Variants in LETM1 observed in about 807,000 individuals in gnomAD.
LETM1 encodes the protein mitochondrial proton/calcium exchanger protein.
A neutral mutation model predicts 74.5 loss-of-function variants in LETM1; 50 were observed. The observed-to-expected ratio is 0.67, with a 90% CI of 0.53 to 0.85. The LOEUF is 0.85. LETM1 is among the 40% of genes least tolerant of loss of function. The pLI is 0.00. For missense variants in LETM1, 824 were observed against 967.8 expected (o/e 0.85, Z 1.97); for synonymous variants, 446 against 407.1 (o/e 1.10, Z -1.15).
At chr4:1,849,053 T>C (rs1712980291) in intron 2 of LETM1, 96 bp downstream of exon 2, 3 of 817,058 alleles carry the variant, frequency 3.7e-6, no homozygotes, top group Non-Finnish European at 6.5e-6. Flanking sequence ...TAGGATACAC[T>C]GTTTCCCTCA....
intron 10 of LETM1, among the ~76,000 whole-genome samples, chr4:1,820,786 G>A (rs1383352741): frequency 1.3e-5 from 2 of 152,220 alleles, no homozygotes; most frequent in East Asian, 3.8e-4. Context: ...CACTTTGGGA[G>A]GTCGAGGTGG....
intron 11 of LETM1, among the ~76,000 whole-genome samples, chr4:1,818,949 T>A (rs986720142): frequency 3.3e-5 from 5 of 151,994 alleles, no homozygotes; most frequent in Non-Finnish European, 7.4e-5. Flanking sequence ...CTGGGCATGG[T>A]GGCACATGTT....
chr4:1,831,925 G>A (rs1273545137), intron 6 of LETM1, among the ~76,000 whole-genome samples: 1 of 152,250 alleles, frequency 6.6e-6, no homozygotes. Flanking sequence ...ATGTGAACTA[G>A]AGTTAGTGCA....
rs778908048 is a variant in LETM1, at chr4:1,815,676, G to A, written c.2058C>T (p.Asp686=). ...DENKDGKVNI[D]DLVKVIELVD... ...CAGCGAGGCCCACCTTGACGAGGTC[G>A]TCGATGTTGACCTTGCCATCCTTGT... Residue 686 remains aspartate (D), a synonymous_variant, in exon 13 of 14, where the codon GAC becomes GAT. Transcript: ENST00000302787. The A allele has an allele frequency of 8.7e-6, 14 of 1,614,080 alleles. No individual in the cohort carries two copies. The highest frequency in any genetic ancestry group is 3.3e-5 in the South Asian group (3 of 91,088).
At chr4:1,840,336 C>A (rs1712642655) in intron 3 of LETM1, among the ~76,000 whole-genome samples, 1 of 152,080 alleles carries the variant, frequency 6.6e-6, no homozygotes, top group South Asian at 2.1e-4. Context: ...GAGATTGTGC[C>A]ACTGCACTCA....
intron 8 of LETM1, 57 bp from the exon 9 acceptor site, chr4:1,823,188 C>G: frequency 6.6e-7 from 1 of 1,522,702 alleles, no homozygotes. Context: ...GCCCCTGCTG[C>G]CCCTCACCTC....
Position 1,836,340 on chromosome 4 carries a change from A to G in LETM1, c.738+89T>C. On this transcript the variant is annotated intron_variant, in intron 4 of 13. Coordinates refer to ENST00000302787, the MANE Select transcript of LETM1 (RefSeq NM_012318.3). The surrounding 1 kb of genome is among the most constrained non-coding windows in gnomAD (Gnocchi z 5.8). ...TGAAGATACATAAAGTCTCAAAAAT[A>G]TCTAGCACCTGAAAAGTCACAAACA... 7.5e-7 allele frequency: 1 copy of G among 1,324,788 alleles called. No individual in the cohort carries two copies. Among genetic ancestry groups the G allele is most frequent in the Non-Finnish European group, 1.1e-6 (1 of 927,714 alleles). The allele number at this position is 1,324,788 out of a possible 1,614,324, so 82.1% of individuals were successfully genotyped here.
At chr4:1,822,373 C>T in intron 9 of LETM1, 61 bp from the exon 10 acceptor site, 1 of 1,380,196 alleles carries the variant, frequency 7.2e-7, no homozygotes, top group Non-Finnish European at 9.5e-7. Context: ...TCTTCTTGCT[C>T]CCCGAAGCTC....
In LETM1 at chr4:1,832,333, G is replaced by A. The variant is rs560979650; in HGVS notation, c.1080+411C>T. Among the ~76,000 whole-genome samples, 199 of 152,136 alleles carry A rather than the reference G, an allele frequency of 1.3e-3. 1 individual carries two copies. The highest frequency in any genetic ancestry group is 4.6e-3 in the African/African-American group (189 of 41,512). On this transcript the variant is annotated intron_variant, in intron 6 of 13. Transcript: ENST00000302787. ...AAAAAAGGAGTAATCAGACCTAGAA[G>A]GAGGGCAGCGCCCTGAAAGCACAAA...
Position 1,822,897 on chromosome 4 carries a change from T to C in LETM1, c.1476+91A>G, listed in dbSNP as rs113423129. 640 of 1,174,918 alleles carry C rather than the reference T, an allele frequency of 5.4e-4. 1 individual carries two copies. In the African/African-American group the frequency reaches 8.9e-3, roughly 16 times the overall value. 72.8% of individuals were successfully genotyped at this position (1,174,918 alleles called of 1,614,324 possible). On this transcript the variant is annotated intron_variant, in intron 9 of 13. Transcript: ENST00000302787. ...GCAGGACAGAGCTGCAGGGCAAGCA[T>C]GCGGGAGGCCAAGACTGTGGGCGTG...
intron 9 of LETM1, 26 bp downstream of exon 9, chr4:1,822,962 C>G: frequency 2.1e-6 from 3 of 1,446,860 alleles, no homozygotes; most frequent in South Asian, 1.5e-5. Flanking sequence ...CAGCCCCACG[C>G]GGCACGGAGC....
rs1023631712 is a variant in LETM1, at chr4:1,841,709, C to T, written c.232G>A (p.Glu78Lys). ...GCTCTCGACACTATGCGAAGGCACTCGGGCCTCAGAGCCCAACAGCCGAGG... is the reference window on the plus strand; with the variant it reads ...GCTCTCGACACTATGCGAAGGCACTTGGGCCTCAGAGCCCAACAGCCGAGG... ...DHLGCWALRP[E>K]CLRIVSRAPW... The change falls in exon 3 of 14, where the codon GAG becomes AAG. Residue 78 changes from glutamate to lysine, a missense_variant. Glu to Lys is a moderately conservative substitution (Grantham distance 56). Around this residue, in one of 4 missense-constraint regions of LETM1, gnomAD observed 222 missense variants for 195.6 expected, o/e 1.14. Transcript: ENST00000302787. 6.8e-6 allele frequency: 11 copies of T among 1,614,150 alleles called. No individual in the cohort carries two copies. Among genetic ancestry groups the T allele is most frequent in the Admixed American group, 5.0e-5 (3 of 60,018 alleles).
intron 6 of LETM1, among the ~76,000 whole-genome samples, chr4:1,829,392 G>T (rs1055469246): frequency 1.3e-5 from 2 of 152,034 alleles, no homozygotes; most frequent in South Asian, 4.1e-4. Context: ...GGCCGGGCGG[G>T]GGGCTGACCC....
At chr4:1,815,422 T>A (rs1711538948) in intron 13 of LETM1, among the ~76,000 whole-genome samples, 1 of 152,218 alleles carries the variant, frequency 6.6e-6, no homozygotes, top group South Asian at 2.1e-4. Flanking sequence ...TCCAGGGACA[T>A]GCGTAGCCAC....
chr4:1,831,278 CT>C (rs1712259268), intron 6 of LETM1, among the ~76,000 whole-genome samples: 1 of 152,248 alleles, frequency 6.6e-6, no homozygotes, highest in African/African-American at 2.4e-5. Context: ...GGTGGGAGCG[CT>C]GCCTCGTAAG....
At chr4:1,825,846 G>A (rs1448617549) in intron 6 of LETM1, among the ~76,000 whole-genome samples, 163 bp from the exon 7 acceptor site, 1 of 152,184 alleles carries the variant, frequency 6.6e-6, no homozygotes. Context: ...GGAAGCCTGT[G>A]ACGGAGGGTC....
rs765163993 is a variant in LETM1 at position 1,834,593 on chromosome 4, C to G, written c.876+252G>C. ...AGATTCTACTGCTCCTGGACAGCTG[C>G]AGGGTGATGAGACACAGACGCCCAT... is the stretch of plus-strand genomic sequence containing the variant. On this transcript the variant is annotated intron_variant, in intron 5 of 13. Transcript: ENST00000302787. This position sits in a 1 kb window ranked among gnomAD's most constrained non-coding sequence, Gnocchi z 5.0. 3 of 1,312,348 alleles carry G rather than the reference C, an allele frequency of 2.3e-6. No individual in the cohort carries two copies. Among genetic ancestry groups the G allele is most frequent in the African/African-American group, 3.0e-5 (2 of 66,842 alleles). The allele number at this position is 1,312,348 out of a possible 1,614,324, so 81.3% of individuals were successfully genotyped here.
intron 5 of LETM1, chr4:1,833,243 G>A (rs1712344027): frequency 2.6e-6 from 1 of 388,256 alleles, no homozygotes; most frequent in Non-Finnish European, 4.8e-6. Flanking sequence ...GCTAATTTTT[G>A]TATTTTAGTA....
At chr4:1,820,998 G>C (rs1577311077) in intron 10 of LETM1, among the ~76,000 whole-genome samples, 1 of 152,106 alleles carries the variant, frequency 6.6e-6, no homozygotes. Context: ...CTGCAGACTG[G>C]GCAACAGAGT....
Sources: gnomAD v4.1 joint callset for allele counts (sites outside exome capture counted in the v4.1 genomes callset) on GRCh38, gnomAD v4.1.1 for gene constraint, gnomAD v4.1.1 regional missense constraint, Gnocchi (gnomAD v3.1) non-coding constraint, MANE v1.5 for transcripts, NCBI Gene and HGNC (gene_info 2026-07-23, HGNC 2026-07-21) for gene names.